The following AMPD1 variants were observed in gnomAD, a reference collection of about 807,000 sequenced individuals.
AMPD1 encodes adenosine monophosphate deaminase 1.
Under a neutral mutation model 82.9 loss-of-function variants are expected in AMPD1, and 74 were observed. The ratio of observed to expected loss-of-function variants is 0.89; its 90% CI spans 0.74 to 1.08. The LOEUF (loss-of-function observed/expected upper bound fraction) is 1.08, where lower values mean the gene tolerates loss of function less well. Among genes scored for constraint, AMPD1 ranks in the 50% least tolerant of loss-of-function variants. The pLI, the probability that AMPD1 is intolerant of heterozygous loss-of-function variation, is 0.00. For synonymous variants in AMPD1, 333 were observed against 320.5 expected (o/e 1.04, Z -0.42); for missense variants, 881 against 924.5 (o/e 0.95, Z 0.61).
Position 114,674,022 on chromosome 1 carries a change from TTAG to T in AMPD1, c.1858_1860del (p.Leu620del), listed in dbSNP as rs1291702209. The stretch of plus-strand genomic sequence containing the variant: ...TACTCTAGAAATAGGCTATTGTTAC[TTAG>T]TGGTGACATGGCGATGGGAATTTGG... On this transcript the variant is annotated inframe_deletion, in exon 14 of 16. Coordinates refer to ENST00000520113, the MANE Select transcript of AMPD1 (RefSeq NM_000036.3). 1 of 1,613,888 alleles carries T rather than the reference TTAG, an allele frequency of 6.2e-7. No homozygotes were observed. The highest frequency in any genetic ancestry group is 1.3e-5 in the African/African-American group (1 of 74,900).
intron 2 of AMPD1, among the ~76,000 whole-genome samples, chr1:114,689,752 G>A (rs1044964769): frequency 5.3e-5 from 8 of 152,166 alleles, no homozygotes; most frequent in Non-Finnish European, 2.9e-5. Flanking sequence ...GGGAGGCAGA[G>A]GTTGCAGTGA....
intron 2 of AMPD1, among the ~76,000 whole-genome samples, chr1:114,692,939 C>A (rs1389375365): frequency 6.6e-6 from 1 of 151,260 alleles, no homozygotes; most frequent in South Asian, 2.1e-4. Context: ...TCGAGACCAG[C>A]CTGGCCAACA....
At chr1:114,676,190 A>G in intron 10 of AMPD1, 187 bp from the exon 11 acceptor site, 1 of 678,528 alleles carries the variant, frequency 1.5e-6, no homozygotes, top group South Asian at 1.9e-5. Flanking sequence ...GGCAGCACAT[A>G]GGAAATAAAA....
rs186605414 is a variant in AMPD1, at chr1:114,686,344, A to G, written c.381+401T>C. 2.3e-3 allele frequency among the ~76,000 whole-genome samples: 348 copies of G among 151,830 alleles called. 1 individual carries two copies. The highest frequency in any genetic ancestry group is 0.017 in the Middle Eastern group (5 of 292). On this transcript the variant is annotated intron_variant, in intron 4 of 15. Transcript: ENST00000520113. Reference sequence around the variant, plus strand: ...TATCTGCAACCCTTCTCACTATCCTAGGTCTGCTTGGGTCCTTCTTTTCCC... The same window carrying G: ...TATCTGCAACCCTTCTCACTATCCTGGGTCTGCTTGGGTCCTTCTTTTCCC...
rs777942435 is a variant in AMPD1 at position 114,680,246 on chromosome 1, AC to A, written c.767+12del. ...TACTAGTTGTTGTTGTTTAGGTCTC[AC>A]TAAACACTTACACAGGTCCTTGAGC... is the stretch of plus-strand genomic sequence containing the variant. On this transcript the variant is annotated intron_variant, in intron 6 of 15. Coordinates refer to ENST00000520113, the MANE Select transcript of AMPD1 (RefSeq NM_000036.3). The A allele has an allele frequency of 2.5e-6, 4 of 1,605,480 alleles. No individual in the cohort carries two copies. Among genetic ancestry groups the A allele is most frequent in the East Asian group, 4.5e-5 (2 of 44,854 alleles).
intron 5 of AMPD1, chr1:114,683,217 A>T (rs895699052): frequency 1.0e-5 from 4 of 400,220 alleles, no homozygotes; most frequent in Non-Finnish European, 1.9e-5. Flanking sequence ...GCAAGAAATG[A>T]TAGTATTTGG....
chr1:114,689,636 G>A (rs936434228), intron 2 of AMPD1, among the ~76,000 whole-genome samples: 3 of 152,122 alleles, frequency 2.0e-5, no homozygotes, highest in Admixed American at 6.5e-5. Context: ...GGCCAACATG[G>A]CGAAACCCTG....
At chr1:114,674,916 G>T in intron 12 of AMPD1, 44 bp from the exon 13 acceptor site, 1 of 1,613,038 alleles carries the variant, frequency 6.2e-7, no homozygotes. Flanking sequence ...TTCTGGGTAT[G>T]GAGTGATTCA....
intron 12 of AMPD1, 22 bp downstream of exon 12, chr1:114,675,508 G>C: frequency 6.2e-7 from 1 of 1,612,630 alleles, no homozygotes; most frequent in Admixed American, 1.7e-5. Context: ...GACCCTCCTA[G>C]CTCCAGCTGT....
In AMPD1 at chr1:114,686,770, T is replaced by G. The variant is rs1407972766; in HGVS notation, c.356A>C (p.Gln119Pro). 11 of 1,614,042 alleles carry G rather than the reference T, an allele frequency of 6.8e-6. No homozygotes were observed. The Admixed American group carries it at 1.8e-4, about 27-fold the overall frequency. ...YQTVPDFQRV[Q>P]ITGDYASGVT... The stretch of plus-strand genomic sequence containing the variant: ...CCCAGAGGCATAGTCACCAGTAATC[T>G]GCACTCTCTGAAAATCAGGCACGGT... Residue 119 changes from glutamine to proline, a missense_variant, in exon 4 of 16, where the codon CAG becomes CCG. By Grantham distance (76) the Gln-to-Pro change is moderately conservative. This residue lies in a region of AMPD1 where 783 missense variants were observed against 786.4 expected (regional missense o/e 1.00). Transcript: ENST00000520113.
rs753758389 is a variant in AMPD1 at position 114,678,430 on chromosome 1, T to C, written c.995A>G (p.Tyr332Cys). 1 of 1,614,134 alleles carries C rather than the reference T, an allele frequency of 6.2e-7. No individual in the cohort carries two copies. Among genetic ancestry groups the C allele is most frequent in the South Asian group, 1.1e-5 (1 of 91,082 alleles). Residue 332 changes from tyrosine to cysteine, a missense_variant, in exon 8 of 16, where the codon TAT becomes TGT. Tyr to Cys is a radical substitution (Grantham distance 194). This residue lies in a region of AMPD1 where 783 missense variants were observed against 786.4 expected (regional missense o/e 1.00). Coordinates refer to ENST00000520113, the MANE Select transcript of AMPD1 (RefSeq NM_000036.3). ...GGTCAGATTCTTCTCTTTGGTGCTATAGACCACTCTGTCAGCATCAATTTG... is the reference window on the plus strand; with the variant it reads ...GGTCAGATTCTTCTCTTTGGTGCTACAGACCACTCTGTCAGCATCAATTTG... ...SYQIDADRVV[Y>C]STKEKNLTLK...
intron 5 of AMPD1, among the ~76,000 whole-genome samples, chr1:114,683,472 A>T (rs72687866): frequency 0.012 from 1,805 of 152,302 alleles, 13 homozygotes; most frequent in Non-Finnish European, 0.017. Flanking sequence ...GTGGTGCCTC[A>T]TGCCTGTAAC....
intron 10 of AMPD1, among the ~76,000 whole-genome samples, 160 bp downstream of exon 10, chr1:114,677,191 C>A (rs931685115): frequency 6.6e-6 from 1 of 151,398 alleles, no homozygotes; most frequent in Non-Finnish European, 1.5e-5. Context: ...AGTGCTGTAC[C>A]CAGAGTGGAC....
At chr1:114,686,676 C>T in intron 4 of AMPD1, 69 bp downstream of exon 4, 1 of 1,546,398 alleles carries the variant, frequency 6.5e-7, no homozygotes, top group Non-Finnish European at 8.9e-7. Context: ...GAGAAGAAGG[C>T]AAGGAGCTAG....
chr1:114,684,761 C>A (rs954937807), intron 4 of AMPD1, among the ~76,000 whole-genome samples: 2 of 152,152 alleles, frequency 1.3e-5, no homozygotes, highest in African/African-American at 4.8e-5. Context: ...ACTGAAAGAC[C>A]ATGTGACTCA....
At chr1:114,685,988 C>T (rs183697320) in intron 4 of AMPD1, among the ~76,000 whole-genome samples, 216 of 152,230 alleles carry the variant, frequency 1.4e-3, no homozygotes, top group East Asian at 7.4e-3. Context: ...CATCGACGGA[C>T]GGCTGCACAG....
At position 114,674,107 on chromosome 1, in the gene AMPD1, T is replaced by A. The variant is rs1234490610; in HGVS notation, c.1801-25A>T. The A allele has an allele frequency of 1.9e-6, 3 of 1,600,898 alleles. No homozygotes were observed. The South Asian group carries it at 3.3e-5, about 18-fold the overall frequency. On this transcript the variant is annotated intron_variant, in intron 13 of 15. Coordinates refer to ENST00000520113, the MANE Select transcript of AMPD1 (RefSeq NM_000036.3). ...TCTGAAAAAGAAAAGTAAAAAAATATTTAAAGATGTTGAAAAAGGAATACA... is the reference window on the plus strand; with the variant it reads ...TCTGAAAAAGAAAAGTAAAAAAATAATTAAAGATGTTGAAAAAGGAATACA...
intron 2 of AMPD1, among the ~76,000 whole-genome samples, chr1:114,692,969 C>T (rs1658558655): frequency 6.6e-6 from 1 of 151,252 alleles, no homozygotes; most frequent in African/African-American, 2.4e-5. Flanking sequence ...CCTGTCTCTA[C>T]TAAAAATTAA....
intron 2 of AMPD1, among the ~76,000 whole-genome samples, chr1:114,692,194 C>T (rs1439648231): frequency 2.0e-5 from 3 of 152,126 alleles, no homozygotes; most frequent in African/African-American, 7.2e-5. Context: ...ATGCTTTCTT[C>T]TTAACAGGTC....
Sources: allele counts gnomAD v4.1 joint callset (sites outside exome capture counted in the v4.1 genomes callset), GRCh38; gene constraint gnomAD v4.1.1; regional missense constraint gnomAD v4.1.1; transcripts MANE v1.5; gene names NCBI Gene and HGNC (gene_info 2026-07-23, HGNC 2026-07-21).